Variants in ZZEF1 observed in about 807,000 individuals in gnomAD.
ZZEF1 encodes zinc finger ZZ-type and EF-hand domain-containing protein 1.
A neutral mutation model predicts 342.8 loss-of-function variants in ZZEF1; 157 were observed. The ratio of observed to expected loss-of-function variants is 0.46; its 90% CI spans 0.40 to 0.52. ZZEF1 has a LOEUF of 0.52. Ranked by LOEUF, ZZEF1 falls within the 20% of genes least tolerant of loss-of-function variation. ZZEF1 has a pLI of 0.00. For synonymous variants in ZZEF1, 1,505 were observed against 1,429.1 expected (o/e 1.05, Z -1.20); for missense variants, 3,480 against 3,725.6 (o/e 0.93, Z 1.72).
Position 4,034,176 on chromosome 17 carries a change from G to T in ZZEF1, c.6423C>A (p.Gly2141=), listed in dbSNP as rs143907794. Residue 2141 remains glycine, a synonymous_variant, in exon 40 of 55, where the codon GGC becomes GGA. Coordinates refer to ENST00000381638, the MANE Select transcript of ZZEF1 (RefSeq NM_015113.4). The part of the protein sequence containing the change: ...ETYHLTLGLL[G]QLIIRLLPAE... ...CTGGCAAAAGACGGATAATTAACTG[G>T]CCGAGAAGACCCAGGGTGAGATGGT... 97 of 1,614,170 alleles carry T rather than the reference G, an allele frequency of 6.0e-5. No individual in the cohort carries two copies. In the African/African-American group the frequency reaches 1.2e-3, roughly 19 times the overall value.
intron 1 of ZZEF1, among the ~76,000 whole-genome samples, chr17:4,139,307 T>C (rs968276572): frequency 5.3e-5 from 8 of 151,500 alleles, no homozygotes; most frequent in African/African-American, 1.7e-4. Context: ...AATGGCAGCG[T>C]AAGTTGGGAA....
At position 4,074,359 on chromosome 17, in the gene ZZEF1, C is replaced by T. The variant is rs768947413; in HGVS notation, c.3484-8G>A. On this transcript the variant is annotated splice_polypyrimidine_tract_variant and splice_region_variant and intron_variant, in intron 23 of 54. Transcript: ENST00000381638. Reference sequence around the variant, plus strand: ...GGCCTTGAAGGTCACTTTCTAGAGACAAACAGAAATCATGTGGTCAGACAG... The same window carrying T: ...GGCCTTGAAGGTCACTTTCTAGAGATAAACAGAAATCATGTGGTCAGACAG... 10 of 1,614,100 alleles carry T rather than the reference C, an allele frequency of 6.2e-6. No individual in the cohort carries two copies. The Middle Eastern group carries it at 4.9e-4, about 80-fold the overall frequency.
intron 34 of ZZEF1, 32 bp downstream of exon 34, chr17:4,054,025 T>G (rs770969257): frequency 6.3e-7 from 1 of 1,578,782 alleles, no homozygotes; most frequent in South Asian, 1.2e-5. Context: ...ATATTGCCTT[T>G]GGATACGGCG....
chr17:4,122,770 G>A (rs2058504784), intron 2 of ZZEF1, among the ~76,000 whole-genome samples: 1 of 152,126 alleles, frequency 6.6e-6, no homozygotes, highest in Admixed American at 6.5e-5. Context: ...TCAGTTACCT[G>A]TGGTCAATAA....
chr17:4,067,116 G>T, intron 27 of ZZEF1, 47 bp downstream of exon 27: 2 of 1,496,392 alleles, frequency 1.3e-6, no homozygotes, highest in Non-Finnish European at 1.9e-6. Context: ...TGATATCACG[G>T]TAGAAAACCT....
chr17:4,126,256 G>C (rs926047624), intron 1 of ZZEF1, among the ~76,000 whole-genome samples: 4 of 149,058 alleles, frequency 2.7e-5, no homozygotes, highest in Admixed American at 6.7e-5. Context: ...GAGTTAGGAG[G>C]CTCTGGGAAA....
At chr17:4,123,141 C>T (rs2058511804) in intron 2 of ZZEF1, among the ~76,000 whole-genome samples, 2 of 150,862 alleles carry the variant, frequency 1.3e-5, no homozygotes, top group Non-Finnish European at 3.0e-5. Context: ...AGAATGATCT[C>T]GATCTCCTGA....
chr17:4,043,940 T>C (rs933682731), intron 38 of ZZEF1, among the ~76,000 whole-genome samples: 9 of 152,244 alleles, frequency 5.9e-5, no homozygotes, highest in African/African-American at 2.2e-4. Flanking sequence ...AGGAACCACA[T>C]GTCTATCTGT....
chr17:4,129,393 A>G (rs1331833015), intron 1 of ZZEF1, among the ~76,000 whole-genome samples: 1 of 152,232 alleles, frequency 6.6e-6, no homozygotes, highest in African/African-American at 2.4e-5. Context: ...TACCCAGAGG[A>G]AGAAATATCA....
chr17:4,141,549 G>A (rs1412322325), intron 1 of ZZEF1, among the ~76,000 whole-genome samples: 2 of 152,182 alleles, frequency 1.3e-5, no homozygotes, highest in South Asian at 4.1e-4. Flanking sequence ...GGGTGCGGGT[G>A]GAGGGAGAGA....
At position 4,017,710 on chromosome 17, in the gene ZZEF1, G is replaced by A; in HGVS notation, c.7662C>T (p.Asp2554=). Residue 2554 remains aspartate (D), a synonymous_variant, in exon 48 of 55, where the codon GAC becomes GAT. Transcript: ENST00000381638. The surrounding 1 kb of genome is among the most constrained non-coding windows in gnomAD (Gnocchi z 5.1). ...CAGGGTTCGATTCAGCAGTGGCTTG[G>A]TCACAGCGTGCAGGCCGGGACTGCA... ...LPCLSRPARC[D]QATAESNPVT... is the part of the protein sequence containing the mutation. 6.2e-7 allele frequency: 1 copy of A among 1,613,024 alleles called. No homozygotes were observed. Among genetic ancestry groups the A allele is most frequent in the Non-Finnish European group, 8.5e-7 (1 of 1,179,760 alleles).
intron 5 of ZZEF1, among the ~76,000 whole-genome samples, chr17:4,111,760 T>TTATATATATA (rs3050967): frequency 1.4e-5 from 2 of 142,736 alleles, no homozygotes; most frequent in East Asian, 4.0e-4. Context: ...ATATATATGT[T>TTATATATATA]TATATATATA....
intron 30 of ZZEF1, 107 bp downstream of exon 30, chr17:4,062,646 T>C (rs1263008523): frequency 3.9e-6 from 5 of 1,288,782 alleles, no homozygotes; most frequent in South Asian, 1.6e-5. Context: ...AAAACGTACA[T>C]TTGTATCCTA....
At chr17:4,139,706 G>C (rs560889166) in intron 1 of ZZEF1, among the ~76,000 whole-genome samples, 1 of 152,152 alleles carries the variant, frequency 6.6e-6, no homozygotes, top group Non-Finnish European at 1.5e-5. Context: ...CATGAGAGAC[G>C]GTGGCCACTG....
rs183419725 is a variant in ZZEF1 at position 4,057,759 on chromosome 17, T to C, written c.5165+235A>G. On this transcript the variant is annotated intron_variant, in intron 32 of 54. Coordinates refer to ENST00000381638, the MANE Select transcript of ZZEF1 (RefSeq NM_015113.4). ...ACACTGAAATACATAACTCAGGTAC[T>C]CATCACAACAAGCCTCGGAGGCAGC... Among the ~76,000 whole-genome samples, 214 of 152,308 alleles carry C rather than the reference T, an allele frequency of 1.4e-3. 1 individual carries two copies. Among genetic ancestry groups the C allele is most frequent in the African/African-American group, 4.8e-3 (199 of 41,560 alleles).
intron 1 of ZZEF1, among the ~76,000 whole-genome samples, chr17:4,127,780 C>T (rs1314450866): frequency 1.3e-5 from 2 of 152,216 alleles, no homozygotes; most frequent in Non-Finnish European, 2.9e-5. Flanking sequence ...TCCCAGAATG[C>T]TGGCAGCTAG....
chr17:4,064,018 G>A (rs1039763846), intron 29 of ZZEF1, among the ~76,000 whole-genome samples: 6 of 151,386 alleles, frequency 4.0e-5, no homozygotes, highest in African/African-American at 1.2e-4. Context: ...GTGAGCCACC[G>A]CACCCAGCCT....
intron 35 of ZZEF1, 72 bp downstream of exon 35, chr17:4,051,899 G>T (rs944561587): frequency 5.1e-5 from 76 of 1,498,400 alleles, no homozygotes; most frequent in Non-Finnish European, 6.6e-5. Context: ...TTTAAAAAAA[G>T]AAAGAAGTCC....
chr17:4,018,891 G>A (rs1238039263), intron 46 of ZZEF1, among the ~76,000 whole-genome samples: 1 of 151,878 alleles, frequency 6.6e-6, no homozygotes, highest in Non-Finnish European at 1.5e-5. Context: ...GGGTGGCCGA[G>A]GGAGCTTTCA....
Sources: gnomAD v4.1 joint callset for allele counts (sites outside exome capture counted in the v4.1 genomes callset) on GRCh38, gnomAD v4.1.1 for gene constraint, Gnocchi (gnomAD v3.1) non-coding constraint, MANE v1.5 for transcripts, NCBI Gene and HGNC (gene_info 2026-07-23, HGNC 2026-07-21) for gene names.